TBX4: variants seen among roughly 807,000 people sequenced by gnomAD.
TBX4 encodes T-box transcription factor 4.
A neutral mutation model predicts 54.6 loss-of-function variants in TBX4; 13 were observed. The observed-to-expected ratio is 0.24, with a 90% CI of 0.15 to 0.38. The LOEUF is 0.38. Ranked by LOEUF, TBX4 falls within the 10% of genes least tolerant of loss-of-function variation. The pLI, the probability that TBX4 is intolerant of heterozygous loss-of-function variation, is 1.00. For synonymous variants in TBX4, 314 were observed against 306.7 expected, an observed-to-expected ratio of 1.02 and a Z score of -0.25; for missense variants, 631 against 728.5, an observed-to-expected ratio of 0.87 and a Z score of 1.54.
Position 61,476,711 on chromosome 17 carries a change from T to C in TBX4, c.550-1916T>C, listed in dbSNP as rs1325483817. 6.6e-6 allele frequency among the ~76,000 whole-genome samples: 1 copy of C among 152,204 alleles called. No individual in the cohort carries two copies. The highest frequency in any genetic ancestry group is 1.5e-5 in the Non-Finnish European group (1 of 68,024). ...GACCTGGTTTGGGGTTTGGGAGTTA[T>C]GTACTTGCCTCGTGAAGGTCTGGAG... On this transcript the variant is annotated intron_variant, in intron 5 of 8. Transcript: ENST00000644296. This position sits in a 1 kb window ranked among gnomAD's most constrained non-coding sequence, Gnocchi z 6.5.
chr17:61,458,704 T>C (rs1042725104), intron 3 of TBX4, among the ~76,000 whole-genome samples: 3 of 152,220 alleles, frequency 2.0e-5, no homozygotes, highest in African/African-American at 7.2e-5. Flanking sequence ...AGGTCTTGCC[T>C]CATACATTGT....
intron 5 of TBX4, among the ~76,000 whole-genome samples, chr17:61,470,198 C>T (rs1020150616): frequency 6.6e-6 from 1 of 152,190 alleles, no homozygotes; most frequent in Non-Finnish European, 1.5e-5. Flanking sequence ...TCCCTGGGCC[C>T]AAGCCATCCC....
rs1375311670 is a variant in TBX4 at position 61,475,155 on chromosome 17, C to T, written c.550-3472C>T. Among the ~76,000 whole-genome samples, 2 of 152,222 alleles carry T rather than the reference C, an allele frequency of 1.3e-5. No homozygotes were observed. The highest frequency in any genetic ancestry group is 6.5e-5 in the Admixed American group (1 of 15,280). On this transcript the variant is annotated intron_variant, in intron 5 of 8. Transcript: ENST00000644296. This position sits in a 1 kb window ranked among gnomAD's most constrained non-coding sequence, Gnocchi z 5.0. ...GCAGCTTCCCTCTTTGCAGGTTTCC[C>T]TGTGAGCCTGGCTGGTTCCCTGCCT...
At chr17:61,482,870 C>T in intron 8 of TBX4, 27 bp from the exon 9 acceptor site, 1 of 1,611,464 alleles carries the variant, frequency 6.2e-7, no homozygotes, top group Non-Finnish European at 8.5e-7. Context: ...GGAAATGGTT[C>T]TTCCTGAATG....
chr17:61,477,362 G>GC (rs1270267227), intron 5 of TBX4, among the ~76,000 whole-genome samples: 2 of 152,226 alleles, frequency 1.3e-5, no homozygotes, highest in Non-Finnish European at 2.9e-5. Context: ...ACTGTGAGCG[G>GC]CCCCCGGGGG....
In TBX4 at chr17:61,467,713, G is replaced by A. The variant is rs866558751; in HGVS notation, c.549+56G>A. The A allele has an allele frequency of 3.1e-6, 5 of 1,609,618 alleles. No individual in the cohort carries two copies. In the South Asian group the frequency reaches 4.4e-5, roughly 14 times the overall value. On this transcript the variant is annotated intron_variant, in intron 5 of 8. Transcript: ENST00000644296. ...GCAAGTCTGGGGCAGTTTTAGGGGT[G>A]GGACAGGCCAGGATGGGGATAGGGA...
rs1322400386 is a variant in TBX4 at position 61,476,487 on chromosome 17, A to G, written c.550-2140A>G. The stretch of plus-strand genomic sequence containing the variant: ...TTTGTGGATGCCTGCAGCTCTGTGA[A>G]TAGTGCACGGTGATGGAGTCACCTA... On this transcript the variant is annotated intron_variant, in intron 5 of 8. Coordinates refer to ENST00000644296, the MANE Select transcript of TBX4 (RefSeq NM_001321120.2). The surrounding 1 kb of genome is among the most constrained non-coding windows in gnomAD (Gnocchi z 6.5). Among the ~76,000 whole-genome samples the G allele has an allele frequency of 1.3e-5, 2 of 152,180 alleles. No homozygotes were observed. The highest frequency in any genetic ancestry group is 2.9e-5 in the Non-Finnish European group (2 of 68,030).
chr17:61,480,395 C>A lies in TBX4; in HGVS notation c.1021+76C>A. Reference sequence around the variant, plus strand: ...TTCTCCCCGAAACCACTCTGCAGCGCCCCCCCCCCCAACACACACACACTC... The same window carrying A: ...TTCTCCCCGAAACCACTCTGCAGCGACCCCCCCCCCAACACACACACACTC... On this transcript the variant is annotated intron_variant, in intron 8 of 8. Transcript: ENST00000644296. The surrounding 1 kb of genome is among the most constrained non-coding windows in gnomAD (Gnocchi z 6.2). 4.5e-6 allele frequency: 1 copy of A among 220,570 alleles called. No individual in the cohort carries two copies. Among genetic ancestry groups the A allele is most frequent in the South Asian group, 1.3e-4 (1 of 7,962 alleles). 13.7% of individuals were successfully genotyped at this position (220,570 alleles called of 1,614,324 possible). A position where few individuals can be genotyped will look rare whatever the true frequency, so the allele number is the denominator to read the frequency against.
At chr17:61,469,199 G>A (rs1309202612) in intron 5 of TBX4, among the ~76,000 whole-genome samples, 1 of 152,206 alleles carries the variant, frequency 6.6e-6, no homozygotes, top group Non-Finnish European at 1.5e-5. Flanking sequence ...TGAGAGCAGA[G>A]GGAGTTAAGG....
Position 61,480,225 on chromosome 17 carries a change from A to T in TBX4, c.927A>T (p.Ala309=). The T allele has an allele frequency of 6.2e-7, 1 of 1,614,138 alleles. No individual in the cohort carries two copies. Among genetic ancestry groups the T allele is most frequent in the Non-Finnish European group, 8.5e-7 (1 of 1,180,012 alleles). Residue 309 remains alanine, a synonymous_variant, in exon 8 of 9, where the codon GCA becomes GCT. Coordinates refer to ENST00000644296, the MANE Select transcript of TBX4 (RefSeq NM_001321120.2). The surrounding 1 kb of genome is among the most constrained non-coding windows in gnomAD (Gnocchi z 6.2). ...ALQHYQHENG[A]HSQLAEPQDL... The stretch of plus-strand genomic sequence containing the variant: ...AGCACTACCAGCACGAGAACGGGGC[A>T]CACTCACAGCTCGCGGAGCCGCAGG...
chr17:61,454,138 G>A (rs1323034534), intron 1 of TBX4, among the ~76,000 whole-genome samples: 1 of 152,148 alleles, frequency 6.6e-6, no homozygotes. Flanking sequence ...TAACCATACA[G>A]TATTAAAGAT....
intron 5 of TBX4, among the ~76,000 whole-genome samples, chr17:61,469,146 G>A (rs2060557777): frequency 2.0e-5 from 3 of 152,212 alleles, no homozygotes; most frequent in South Asian, 2.1e-4. Context: ...CCAGCTGCAG[G>A]GATGTCTCAG....
At position 61,467,584 on chromosome 17, in the gene TBX4, C is replaced by T. The variant is rs1184223588; in HGVS notation, c.476C>T (p.Ala159Val). 1.2e-6 allele frequency: 2 copies of T among 1,614,194 alleles called. No individual in the cohort carries two copies. The highest frequency in any genetic ancestry group is 1.1e-5 in the South Asian group (1 of 91,080). Reference sequence around the variant, plus strand: ...CACCCGGATTCTCCTGCCACAGGAGCCCACTGGATGCGGCAGCTGGTCTCC... The same window carrying T: ...CACCCGGATTCTCCTGCCACAGGAGTCCACTGGATGCGGCAGCTGGTCTCC... ...YVHPDSPATG[A>V]HWMRQLVSFQ... The change falls in exon 5 of 9, where the codon GCC becomes GTC. Residue 159 changes from alanine to valine, a missense_variant. Transcript: ENST00000644296.
rs2060463836 is a variant in TBX4, at chr17:61,457,756, G to A, written c.281+125G>A. The A allele has an allele frequency of 1.1e-6, 1 of 881,992 alleles. No homozygotes were observed. The highest frequency in any genetic ancestry group is 1.8e-6 in the Non-Finnish European group (1 of 561,138). 54.6% of individuals were successfully genotyped at this position (881,992 alleles called of 1,614,324 possible). On this transcript the variant is annotated intron_variant, in intron 3 of 8. Transcript: ENST00000644296. The surrounding 1 kb of genome is among the most constrained non-coding windows in gnomAD (Gnocchi z 8.2). ...GGGAGGCCTCTCTGCCTCCTCGGGC[G>A]TCAGTGCCACCTCCCTTCGCAGCTT... is the stretch of plus-strand genomic sequence containing the variant.
intron 5 of TBX4, 102 bp downstream of exon 5, chr17:61,467,759 C>G: frequency 6.7e-7 from 1 of 1,489,488 alleles, no homozygotes; most frequent in Non-Finnish European, 9.2e-7. Context: ...CGGGATCCAG[C>G]TCCAGGCTTT....
rs112060403 is a variant in TBX4, at chr17:61,467,169, T to A, written c.402-341T>A. 9.6e-3 allele frequency among the ~76,000 whole-genome samples: 1,464 copies of A among 152,006 alleles called. 37 individuals carry two copies. The highest frequency in any genetic ancestry group is 5.6e-3 in the Non-Finnish European group (384 of 67,976). ...CCTGTCTCTTAAAAAGAAAAAAAAA[T>A]TTTAAATCATAAGTGTAAATATACA... On this transcript the variant is annotated intron_variant, in intron 4 of 8. Coordinates refer to ENST00000644296, the MANE Select transcript of TBX4 (RefSeq NM_001321120.2).
intron 3 of TBX4, chr17:61,463,431 A>G (rs2060512776): frequency 6.6e-6 from 1 of 152,280 alleles, no homozygotes; most frequent in Non-Finnish European, 1.5e-5. Context: ...AATCTGGCCT[A>G]CGATCAGCTT....
chr17:61,471,271 ACCT>A (rs748806649), intron 5 of TBX4, among the ~76,000 whole-genome samples: 2 of 152,192 alleles, frequency 1.3e-5, no homozygotes, highest in Non-Finnish European at 2.9e-5. Flanking sequence ...GCTCAAATGC[ACCT>A]TCTTCAGAGA....
Position 61,479,998 on chromosome 17 carries a change from G to C in TBX4, c.791+29G>C, listed in dbSNP as rs535261059. 1 of 1,613,454 alleles carries C rather than the reference G, an allele frequency of 6.2e-7. No homozygotes were observed. Among genetic ancestry groups the C allele is most frequent in the Non-Finnish European group, 8.5e-7 (1 of 1,179,526 alleles). On this transcript the variant is annotated intron_variant, in intron 7 of 8. Transcript: ENST00000644296. The surrounding 1 kb of genome is among the most constrained non-coding windows in gnomAD (Gnocchi z 6.1). ...GGGCTGCGTAGCCTGGGGGTGGGGC[G>C]GGCAGATGGGATTCAGGCACGTGGC...
Sources: gnomAD v4.1 joint callset for allele counts (sites outside exome capture counted in the v4.1 genomes callset) on GRCh38, gnomAD v4.1.1 for gene constraint, Gnocchi (gnomAD v3.1) non-coding constraint, MANE v1.5 for transcripts, NCBI Gene and HGNC (gene_info 2026-07-23, HGNC 2026-07-21) for gene names.